GRIN2A: variants seen among roughly 807,000 people sequenced by gnomAD.
GRIN2A encodes glutamate ionotropic receptor NMDA type subunit 2A, also known as glutamate receptor ionotropic, NMDA 2A.
In GRIN2A, 22 loss-of-function variants were observed where a neutral mutation model predicts 113.4. The ratio of observed to expected loss-of-function variants is 0.19; its 90% CI spans 0.14 to 0.28. GRIN2A has a LOEUF of 0.28. Ranked by LOEUF, GRIN2A falls within the 10% of genes least tolerant of loss-of-function variation. The pLI is 1.00. For missense variants in GRIN2A, 1,502 were observed against 1,887.0 expected (o/e 0.80, Z 3.78); for synonymous variants, 827 against 738.4 (o/e 1.12, Z -1.94).
At chr16:10,138,229 A>T (rs1070485) in intron 2 of GRIN2A, among the ~76,000 whole-genome samples, 2 of 152,048 alleles carry the variant, frequency 1.3e-5, no homozygotes, top group Non-Finnish European at 2.9e-5. Context: ...GAAGTCAGAG[A>T]GGGCTGAGTT....
chr16:9,755,325 G>C lies in GRIN2A; in HGVS notation c.*7824C>G, dbSNP rs1235289417. The C allele has an allele frequency of 5.4e-6, 1 of 186,748 alleles. No homozygotes were observed. The highest frequency in any genetic ancestry group is 1.1e-5 in the Non-Finnish European group (1 of 88,534). The allele number at this position is 186,748 out of a possible 1,614,324, so 11.6% of individuals were successfully genotyped here. A position where few individuals can be genotyped will look rare whatever the true frequency, so the allele number is the denominator to read the frequency against. The stretch of plus-strand genomic sequence containing the variant: ...ATGCTATTGGTCAAATCGTTCTTTG[G>C]AGTGCTCCATTTCTGCATAGCTCAA... On this transcript the variant is annotated 3_prime_UTR_variant, in exon 13 of 13. Transcript: ENST00000330684.
At chr16:9,815,795 C>A (rs1237191338) in intron 10 of GRIN2A, among the ~76,000 whole-genome samples, 2 of 152,184 alleles carry the variant, frequency 1.3e-5, no homozygotes, top group Non-Finnish European at 2.9e-5. Flanking sequence ...AAACCAAAGT[C>A]TCAAAAATAT....
At chr16:10,053,080 G>C (rs1413677656) in intron 2 of GRIN2A, among the ~76,000 whole-genome samples, 1 of 151,712 alleles carries the variant, frequency 6.6e-6, no homozygotes, top group Non-Finnish European at 1.5e-5. Context: ...CAGTGAGTCT[G>C]AGTAAAACTT....
intron 8 of GRIN2A, among the ~76,000 whole-genome samples, chr16:9,833,003 G>T (rs2042523548): frequency 6.6e-6 from 1 of 152,150 alleles, no homozygotes; most frequent in Non-Finnish European, 1.5e-5. Context: ...ACATTAAAGT[G>T]CTCTGCTTTT....
At chr16:9,884,442 G>A (rs578084270) in intron 4 of GRIN2A, among the ~76,000 whole-genome samples, 108 of 152,146 alleles carry the variant, frequency 7.1e-4, no homozygotes, top group African/African-American at 2.4e-3. Flanking sequence ...CCAGCTATTC[G>A]GGAGGCTGAG....
At chr16:9,982,100 T>A (rs1567215204) in intron 2 of GRIN2A, among the ~76,000 whole-genome samples, 3 of 152,154 alleles carry the variant, frequency 2.0e-5, no homozygotes, top group African/African-American at 7.2e-5. Context: ...TTAATATGAC[T>A]CTTGAGACTC....
At chr16:10,064,119 C>A (rs140780593) in intron 2 of GRIN2A, among the ~76,000 whole-genome samples, 71 of 152,326 alleles carry the variant, frequency 4.7e-4, no homozygotes, top group Non-Finnish European at 7.9e-4. Flanking sequence ...GGTAGGTTCT[C>A]AATCGATGTC....
chr16:10,117,221 T>C (rs57504038), intron 2 of GRIN2A, among the ~76,000 whole-genome samples: 25,013 of 152,256 alleles, frequency 0.16, 2,558 homozygotes, highest in East Asian at 0.37. Flanking sequence ...GGAAGCAAGA[T>C]GGTAGCAGTG....
intron 10 of GRIN2A, among the ~76,000 whole-genome samples, chr16:9,806,031 T>A (rs564379010): frequency 2.6e-4 from 39 of 152,310 alleles, no homozygotes; most frequent in African/African-American, 9.1e-4. Flanking sequence ...TATACCAACA[T>A]TGATGAATTT....
intron 2 of GRIN2A, among the ~76,000 whole-genome samples, chr16:10,093,994 G>C (rs1161576790): frequency 6.6e-6 from 1 of 152,140 alleles, no homozygotes; most frequent in African/African-American, 2.4e-5. Flanking sequence ...GAATATAGGA[G>C]CTACAGTGAA....
intron 9 of GRIN2A, 83 bp downstream of exon 9, chr16:9,829,340 G>A (rs1229056262): frequency 1.2e-5 from 10 of 847,342 alleles, no homozygotes; most frequent in Non-Finnish European, 2.0e-5. Flanking sequence ...GGATCTCAAT[G>A]AGAGGCACCT....
At chr16:10,059,832 G>A (rs543316082) in intron 2 of GRIN2A, among the ~76,000 whole-genome samples, 3 of 152,058 alleles carry the variant, frequency 2.0e-5, no homozygotes, top group African/African-American at 7.2e-5. Flanking sequence ...TCGTGAATGA[G>A]TTAAGACCCA....
chr16:10,063,926 C>T (rs1048904750), intron 2 of GRIN2A, among the ~76,000 whole-genome samples: 2 of 152,126 alleles, frequency 1.3e-5, no homozygotes, highest in African/African-American at 2.4e-5. Context: ...TTCATGACCC[C>T]ACAGTCACCG....
intron 2 of GRIN2A, chr16:10,111,649 T>A: frequency 6.5e-7 from 1 of 1,549,046 alleles, no homozygotes; most frequent in Non-Finnish European, 8.9e-7. Flanking sequence ...AGGTATTGGT[T>A]TCATTCACCA....
chr16:10,084,959 AT>A (rs1382453422), intron 2 of GRIN2A, among the ~76,000 whole-genome samples: 1 of 152,140 alleles, frequency 6.6e-6, no homozygotes, highest in Admixed American at 6.5e-5. Flanking sequence ...CTTTGATACA[AT>A]TTCCTATGCA....
intron 2 of GRIN2A, among the ~76,000 whole-genome samples, chr16:9,987,908 C>A (rs1178964138): frequency 6.6e-6 from 1 of 152,156 alleles, no homozygotes; most frequent in Non-Finnish European, 1.5e-5. Context: ...TCTCTCTACC[C>A]AGGAGATAAA....
At chr16:9,937,069 A>G (rs1305504818) in intron 3 of GRIN2A, among the ~76,000 whole-genome samples, 1 of 150,570 alleles carries the variant, frequency 6.6e-6, no homozygotes, top group Non-Finnish European at 1.5e-5. Flanking sequence ...TTCTAATAGG[A>G]AGCTTCAAAA....
intron 2 of GRIN2A, among the ~76,000 whole-genome samples, chr16:9,965,540 G>GATTCCACTTAA (rs1280825781): frequency 6.6e-6 from 1 of 152,174 alleles, no homozygotes; most frequent in East Asian, 1.9e-4. Flanking sequence ...AACCGATTTT[G>GATTCCACTTAA]ATTCCACTTA....
At chr16:9,944,861 C>A (rs1005979164) in intron 2 of GRIN2A, among the ~76,000 whole-genome samples, 2 of 152,170 alleles carry the variant, frequency 1.3e-5, no homozygotes. Flanking sequence ...GACATTCATC[C>A]GTGGATTGTC....
Sources: gnomAD v4.1 joint callset for allele counts (sites outside exome capture counted in the v4.1 genomes callset) on GRCh38, gnomAD v4.1.1 for gene constraint, MANE v1.5 for transcripts, NCBI Gene and HGNC (gene_info 2026-07-23, HGNC 2026-07-21) for gene names.